The following GNB4 variants were observed in gnomAD, a reference collection of about 807,000 sequenced individuals.
The protein encoded by GNB4 is G protein subunit beta 4.
In GNB4, 28 loss-of-function variants were observed where a neutral mutation model predicts 45.2. The ratio of observed to expected loss-of-function variants is 0.62; its 90% CI spans 0.46 to 0.85. GNB4 has a LOEUF of 0.85. Ranked by LOEUF, GNB4 falls within the 40% of genes least tolerant of loss-of-function variation. The probability of loss-of-function intolerance (pLI) is 0.00; values close to 1 mark genes in which losing one functional copy is unlikely to be tolerated. For synonymous variants in GNB4, 132 were observed against 143.7 expected (o/e 0.92, Z 0.58); for missense variants, 321 against 425.4 (o/e 0.75, Z 2.16).
Position 179,414,934 on chromosome 3 carries a change from C to CT in GNB4, c.380dup (p.Thr128AspfsTer27), listed in dbSNP as rs757634991. Reference sequence around the variant, plus strand: ...TTACTCTCACATTTCCCTCTCTGGTCTTTAAGTTATATATAGAGCAGATGT... The same window carrying CT: ...TTACTCTCACATTTCCCTCTCTGGTCTTTTAAGTTATATATAGAGCAGATGT... On this transcript the variant is annotated frameshift_variant, in exon 6 of 10. Coordinates refer to ENST00000232564, the MANE Select transcript of GNB4 (RefSeq NM_021629.4). LOFTEE classifies it high-confidence loss of function. 4 of 1,606,872 alleles carry CT rather than the reference C, an allele frequency of 2.5e-6. No homozygotes were observed. The highest frequency in any genetic ancestry group is 1.1e-5 in the South Asian group (1 of 90,042).
the GNB4 span, among the ~76,000 whole-genome samples, chr3:179,480,996 G>A: frequency 6.6e-6 from 1 of 151,528 alleles, no homozygotes; most frequent in Non-Finnish European, 1.5e-5. Context: ...GATTACAGGC[G>A]CCCGCCACCA....
chr3:179,466,620 T>C, the GNB4 span, among the ~76,000 whole-genome samples: 4 of 152,224 alleles, frequency 2.6e-5, no homozygotes, highest in African/African-American at 4.8e-5. Flanking sequence ...CTTACTTACC[T>C]AGATTATTAA....
the GNB4 span, among the ~76,000 whole-genome samples, chr3:179,461,454 G>A: frequency 6.7e-6 from 1 of 149,492 alleles, no homozygotes; most frequent in South Asian, 2.1e-4. Context: ...CCGAGATTGC[G>A]CCACTGCACT....
Position 179,438,787 on chromosome 3 carries a change from G to A in GNB4, c.-42-12545C>T, listed in dbSNP as rs532140106. 2.1e-4 allele frequency among the ~76,000 whole-genome samples: 32 copies of A among 152,334 alleles called. No homozygotes were observed. In the Middle Eastern group the frequency reaches 0.017, roughly 81 times the overall value. ...CTCTCCTATTGAGGGGTAGAGGAGAGTGGTTTCAAAGGGGGAGAGAGAATA... is the reference window on the plus strand; with the variant it reads ...CTCTCCTATTGAGGGGTAGAGGAGAATGGTTTCAAAGGGGGAGAGAGAATA... On this transcript the variant is annotated intron_variant, in intron 1 of 9. Transcript: ENST00000232564.
At chr3:179,505,753 C>G in the GNB4 span, among the ~76,000 whole-genome samples, 1 of 152,174 alleles carries the variant, frequency 6.6e-6, no homozygotes, top group African/African-American at 2.4e-5. Flanking sequence ...TAAGAGTCAT[C>G]ATATGACTTC....
At chr3:179,489,664 A>T in the GNB4 span, among the ~76,000 whole-genome samples, 1 of 152,300 alleles carries the variant, frequency 6.6e-6, no homozygotes, top group Non-Finnish European at 1.5e-5. Context: ...TAATTAAAAA[A>T]ATTAAAAGAA....
At chr3:179,484,375 C>T in the GNB4 span, among the ~76,000 whole-genome samples, 1,352 of 152,288 alleles carry the variant, frequency 8.9e-3, 31 homozygotes, top group African/African-American at 0.031. Context: ...TTTACAGATC[C>T]CATATCTGTG....
At chr3:179,483,588 A>G in the GNB4 span, among the ~76,000 whole-genome samples, 1 of 152,304 alleles carries the variant, frequency 6.6e-6, no homozygotes, top group East Asian at 1.9e-4. Context: ...GTGGGGGACT[A>G]TATAGTAGAT....
At position 179,401,275 on chromosome 3, in the gene GNB4, T is replaced by TTAC. The variant is rs1160665725; in HGVS notation, c.958_960dup (p.Val320dup). On this transcript the variant is annotated inframe_insertion, in exon 10 of 10. Coordinates refer to ENST00000232564, the MANE Select transcript of GNB4 (RefSeq NM_021629.4). Reference sequence around the variant, plus strand: ...GTTGCCACAGCCATGCCATCATCAGTTACACCTAAGCAGCTCACACGGTTG... The same window carrying TTAC: ...GTTGCCACAGCCATGCCATCATCAGTTACTACACCTAAGCAGCTCACACGGTTG... 6.2e-7 allele frequency: 1 copy of TTAC among 1,613,960 alleles called. No homozygotes were observed. The highest frequency in any genetic ancestry group is 8.5e-7 in the Non-Finnish European group (1 of 1,179,950).
the GNB4 span, chr3:179,465,130 A>C: frequency 7.6e-7 from 1 of 1,323,190 alleles, no homozygotes. Flanking sequence ...TGATCACAGC[A>C]GATATGATCA....
At chr3:179,499,559 C>CAT in the GNB4 span, among the ~76,000 whole-genome samples, 7 of 152,312 alleles carry the variant, frequency 4.6e-5, no homozygotes, top group African/African-American at 1.7e-4. Context: ...CATACGTGTA[C>CAT]ATGTGTCTTT....
chr3:179,463,025 A>G, the GNB4 span, among the ~76,000 whole-genome samples: 2 of 152,212 alleles, frequency 1.3e-5, no homozygotes, highest in Non-Finnish European at 2.9e-5. Context: ...AAATCTAGGA[A>G]GGTTTAAAGA....
rs901111208 is a variant in GNB4, at chr3:179,405,140, C to T, written c.916+50G>A. The stretch of plus-strand genomic sequence containing the variant: ...GGCCTAGAACACAACTGATGGGAAC[C>T]TCTTCACGCTTCCTGAAAATCAGAA... On this transcript the variant is annotated intron_variant, in intron 9 of 9. Transcript: ENST00000232564. The T allele has an allele frequency of 9.1e-6, 13 of 1,426,786 alleles. No individual in the cohort carries two copies. The African/African-American group carries it at 1.4e-4, about 15-fold the overall frequency. 88.4% of individuals were successfully genotyped at this position (1,426,786 alleles called of 1,614,324 possible). A position where few individuals can be genotyped will look rare whatever the true frequency, so the allele number is the denominator to read the frequency against.
rs542710557 is a variant in GNB4, at chr3:179,408,821, A to G, written c.700-3415T>C. On this transcript the variant is annotated intron_variant, in intron 8 of 9. Coordinates refer to ENST00000232564, the MANE Select transcript of GNB4 (RefSeq NM_021629.4). Reference sequence around the variant, plus strand: ...AAAAGAAAAAGAAAGAAACTCAAAAAAAAAAAGAAACTCATAGATCCAAAC... The same window carrying G: ...AAAAGAAAAAGAAAGAAACTCAAAAGAAAAAAGAAACTCATAGATCCAAAC... Among the ~76,000 whole-genome samples the G allele has an allele frequency of 3.6e-4, 54 of 151,036 alleles. 1 individual carries two copies. In the South Asian group the frequency reaches 0.011, roughly 31 times the overall value.
chr3:179,467,213 A>G, the GNB4 span, among the ~76,000 whole-genome samples: 9 of 152,004 alleles, frequency 5.9e-5, no homozygotes, highest in Non-Finnish European at 8.8e-5. Flanking sequence ...TGGGCTCACT[A>G]TGTTGCCCAG....
the GNB4 span, among the ~76,000 whole-genome samples, chr3:179,509,548 C>T: frequency 6.6e-6 from 1 of 151,988 alleles, no homozygotes; most frequent in Non-Finnish European, 1.5e-5. Flanking sequence ...ACGTAGACAA[C>T]TCAATATGCA....
the GNB4 span, among the ~76,000 whole-genome samples, chr3:179,517,804 C>T: frequency 3.7e-4 from 57 of 152,248 alleles, no homozygotes; most frequent in African/African-American, 1.3e-3. Flanking sequence ...ACTCTGGCAC[C>T]GGTAACGGAC....
At position 179,415,126 on chromosome 3, in the gene GNB4, T is replaced by C. The variant is rs375886218; in HGVS notation, c.268-79A>G. On this transcript the variant is annotated intron_variant, in intron 5 of 9. Transcript: ENST00000232564. ...ATAAACCCATTTACAATGAAGTAAA[T>C]ATTATTAAAAATTAAACACATCTAA... 60 of 1,130,428 alleles carry C rather than the reference T, an allele frequency of 5.3e-5. 1 individual carries two copies. Among genetic ancestry groups the C allele is most frequent in the East Asian group, 5.1e-4 (19 of 37,386 alleles). 70.0% of individuals were successfully genotyped at this position (1,130,428 alleles called of 1,614,324 possible). A position where few individuals can be genotyped will look rare whatever the true frequency, so the allele number is the denominator to read the frequency against.
chr3:179,416,920 A>T (rs573712299), intron 4 of GNB4, among the ~76,000 whole-genome samples: 4 of 152,328 alleles, frequency 2.6e-5, no homozygotes, highest in Non-Finnish European at 5.9e-5. Flanking sequence ...ACCATATTTC[A>T]TCCAATCTAA....
Sources: allele counts gnomAD v4.1 joint callset (sites outside exome capture counted in the v4.1 genomes callset), GRCh38; gene constraint gnomAD v4.1.1; transcripts MANE v1.5; gene names NCBI Gene and HGNC (gene_info 2026-07-23, HGNC 2026-07-21).